The following MTIF2 variants were observed in gnomAD, a reference collection of about 807,000 sequenced individuals.
MTIF2 encodes the protein mitochondrial translational initiation factor 2.
MTIF2 carries 71 observed loss-of-function variants against 83.5 expected under a neutral mutation model. The ratio of observed to expected loss-of-function variants is 0.85; its 90% confidence interval spans 0.70 to 1.04. MTIF2 has a LOEUF of 1.04. Ranked by LOEUF, MTIF2 falls within the 50% of genes least tolerant of loss-of-function variation. MTIF2 has a pLI of 0.00. For missense variants in MTIF2, 957 were observed against 846.5 expected, an observed-to-expected ratio of 1.13 and a Z score of -1.62; for synonymous variants, 319 against 287.1, an observed-to-expected ratio of 1.11 and a Z score of -1.12.
chr2:55,247,289 G>A (rs909947215), intron 9 of MTIF2, among the ~76,000 whole-genome samples: 2 of 152,224 alleles, frequency 1.3e-5, no homozygotes, highest in African/African-American at 4.8e-5. Context: ...GGGCACGGTG[G>A]CTCATGCCTG....
intron 14 of MTIF2, among the ~76,000 whole-genome samples, chr2:55,238,004 A>G (rs1241074335): frequency 2.6e-5 from 4 of 151,550 alleles, no homozygotes; most frequent in Non-Finnish European, 5.9e-5. Context: ...GCTTTCCTTC[A>G]ATATATTTTC....
chr2:55,250,234 T>C lies in MTIF2; in HGVS notation c.842-700A>G, dbSNP rs117042969. On this transcript the variant is annotated intron_variant, in intron 8 of 15. Coordinates refer to ENST00000263629, the MANE Select transcript of MTIF2 (RefSeq NM_002453.3). ...GCAGAATCGTGTGTACAAAAAGCCA[T>C]GTAAGGAAGTTTCAAATTCTGTGAA... is the stretch of plus-strand genomic sequence containing the variant. Among the ~76,000 whole-genome samples the C allele has an allele frequency of 7.8e-4, 118 of 152,240 alleles. No individual in the cohort carries two copies. In the East Asian group the frequency reaches 0.019, roughly 25 times the overall value.
Position 55,262,434 on chromosome 2 carries a change from A to C in MTIF2, c.220-7T>G, listed in dbSNP as rs1415503006. ...ATTTCCATGGTCCTTCTTCCTATTA[A>C]AAAAATCAGAACATATAAACAAAAA... On this transcript the variant is annotated splice_region_variant and splice_polypyrimidine_tract_variant and intron_variant, in intron 4 of 15. Coordinates refer to ENST00000263629, the MANE Select transcript of MTIF2 (RefSeq NM_002453.3). 1.3e-6 allele frequency: 2 copies of C among 1,575,610 alleles called. No individual in the cohort carries two copies. Among genetic ancestry groups the C allele is most frequent in the Admixed American group, 1.8e-5 (1 of 56,430 alleles).
At chr2:55,264,695 C>T (rs1262560434) in intron 3 of MTIF2, among the ~76,000 whole-genome samples, 2 of 152,172 alleles carry the variant, frequency 1.3e-5, no homozygotes, top group African/African-American at 2.4e-5. Context: ...ACTTTTCCAT[C>T]TTCCCATCTC....
intron 3 of MTIF2, among the ~76,000 whole-genome samples, chr2:55,265,423 C>G (rs936233670): frequency 6.6e-6 from 1 of 151,488 alleles, no homozygotes; most frequent in Admixed American, 6.6e-5. Context: ...CTCAGGCACA[C>G]GAGACACTAC....
In MTIF2 at chr2:55,249,124, A is replaced by T. The variant is rs140100863; in HGVS notation, c.981+271T>A. On this transcript the variant is annotated intron_variant, in intron 9 of 15. Coordinates refer to ENST00000263629, the MANE Select transcript of MTIF2 (RefSeq NM_002453.3). The stretch of plus-strand genomic sequence containing the variant: ...ACGTCTTTGTCCTACTATTTCCCTT[A>T]TTCACCATTTATTCTCATCCTAAGT... Among the ~76,000 whole-genome samples the T allele has an allele frequency of 4.9e-4, 74 of 152,226 alleles. 1 individual carries two copies. The highest frequency in any genetic ancestry group is 1.7e-3 in the African/African-American group (69 of 41,542).
At position 55,236,624 on chromosome 2, in the gene MTIF2, G is replaced by A; in HGVS notation, c.*24C>T. The stretch of plus-strand genomic sequence containing the variant: ...TACCTTCAAACAAACAACACGTTGA[G>A]TTATTTACATTTTTAATGTAATTTT... On this transcript the variant is annotated 3_prime_UTR_variant, in exon 16 of 16. Transcript: ENST00000263629. 1 of 1,565,098 alleles carries A rather than the reference G, an allele frequency of 6.4e-7. No homozygotes were observed. The highest frequency in any genetic ancestry group is 2.3e-5 in the East Asian group (1 of 43,910).
intron 11 of MTIF2, 79 bp downstream of exon 11, chr2:55,243,950 C>G: frequency 8.3e-7 from 1 of 1,200,974 alleles, no homozygotes; most frequent in Non-Finnish European, 1.2e-6. Context: ...CATTAATACA[C>G]ATATTTGGTA....
At chr2:55,254,935 T>C (rs1445579862) in intron 5 of MTIF2, 110 bp from the exon 6 acceptor site, 2 of 541,372 alleles carry the variant, frequency 3.7e-6, no homozygotes, top group Admixed American at 4.3e-5. Context: ...GGAATAACTA[T>C]GCAAACTGTT....
intron 8 of MTIF2, among the ~76,000 whole-genome samples, chr2:55,251,080 A>G (rs1430475365): frequency 7.1e-6 from 1 of 140,802 alleles, no homozygotes; most frequent in African/African-American, 2.6e-5. Flanking sequence ...ACTGCACTCC[A>G]GCCTGGGCAA....
chr2:55,255,796 A>G (rs1221224829), intron 5 of MTIF2, among the ~76,000 whole-genome samples: 1 of 152,130 alleles, frequency 6.6e-6, no homozygotes, highest in Non-Finnish European at 1.5e-5. Context: ...TCAGCTTCAG[A>G]ACATGCACAA....
intron 14 of MTIF2, among the ~76,000 whole-genome samples, chr2:55,238,637 C>T (rs1024367601): frequency 2.6e-5 from 4 of 152,080 alleles, no homozygotes; most frequent in Admixed American, 6.5e-5. Flanking sequence ...GTGATCCGCC[C>T]GCCTCGACCT....
rs1022889307 is a variant in MTIF2, at chr2:55,262,394, T to C, written c.253A>G (p.Thr85Ala). ...EGPWKSQLSS[T>A]KSKKVVEVWI... The stretch of plus-strand genomic sequence containing the variant: ...ACTTCTACCACCTTTTTAGATTTTG[T>C]TGAAGATAACTGAGATTTCCATGGT... The change falls in exon 5 of 16, where the codon ACA becomes GCA. Residue 85 changes from threonine (T) to alanine (A), a missense_variant. Physicochemically the swap from Thr to Ala is moderately conservative, Grantham distance 58. Around this residue, in one of 3 missense-constraint regions of MTIF2, gnomAD observed 733 missense variants for 648.7 expected, o/e 1.13. Transcript: ENST00000263629. The C allele has an allele frequency of 6.2e-7, 1 of 1,613,646 alleles. No individual in the cohort carries two copies. The highest frequency in any genetic ancestry group is 1.1e-5 in the South Asian group (1 of 91,062).
In MTIF2 at chr2:55,244,750, A is replaced by G. The variant is rs539906312; in HGVS notation, c.1107-517T>C. Among the ~76,000 whole-genome samples the G allele has an allele frequency of 3.9e-5, 6 of 152,182 alleles. No homozygotes were observed. In the South Asian group the frequency reaches 6.2e-4, roughly 16 times the overall value. On this transcript the variant is annotated intron_variant, in intron 10 of 15. Transcript: ENST00000263629. Reference sequence around the variant, plus strand: ...GGCAACATAGCAGGACCCTATCTCAATTAAAAAAAAAATAGGCTAGGCACA... The same window carrying G: ...GGCAACATAGCAGGACCCTATCTCAGTTAAAAAAAAAATAGGCTAGGCACA...
intron 14 of MTIF2, among the ~76,000 whole-genome samples, chr2:55,238,389 G>GTT (rs34278300): frequency 0.11 from 13,036 of 117,358 alleles, 1,200 homozygotes; most frequent in East Asian, 0.25. Flanking sequence ...TCTGAGCCTG[G>GTT]TTTTTTTTTT....
Position 55,254,141 on chromosome 2 carries a change from A to G in MTIF2, c.564T>C (p.His188=), listed in dbSNP as rs752282163. ...PRSPVVTIMG[H]VDHGKTTLLD... Reference sequence around the variant, plus strand: ...GTAATGTCGTTTTCCCGTGATCAACATGGCCCATTATAGTAACAACTGGGG... The same window carrying G: ...GTAATGTCGTTTTCCCGTGATCAACGTGGCCCATTATAGTAACAACTGGGG... Residue 188 remains histidine (H), a synonymous_variant, in exon 7 of 16, where the codon CAT becomes CAC. Transcript: ENST00000263629. 8.1e-6 allele frequency: 13 copies of G among 1,614,088 alleles called. No individual in the cohort carries two copies. The Admixed American group carries it at 2.0e-4, about 25-fold the overall frequency.
chr2:55,262,541 C>CTTTTT (rs66500251), intron 4 of MTIF2, 114 bp from the exon 5 acceptor site: 43 of 285,140 alleles, frequency 1.5e-4, no homozygotes, highest in Admixed American at 2.7e-4. Flanking sequence ...CTTTTTTTTT[C>CTTTTT]TTTTTTTTTT....
Position 55,252,550 on chromosome 2 carries a change from T to C in MTIF2, c.768A>G (p.Val256=). 6.2e-7 allele frequency: 1 copy of C among 1,614,152 alleles called. No individual in the cohort carries two copies. The highest frequency in any genetic ancestry group is 8.5e-7 in the Non-Finnish European group (1 of 1,179,992). Residue 256 remains valine, a synonymous_variant, in exon 8 of 16, where the codon GTA becomes GTG. Coordinates refer to ENST00000263629, the MANE Select transcript of MTIF2 (RefSeq NM_002453.3). ...ARGAQVTDIV[V]LVVAADDGVM... is the part of the protein sequence containing the mutation. ...CTCCATCATCTGCAGCTACAACCAA[T>C]ACGACAATGTCAGTGACCTGAGCAC...
chr2:55,243,223 A>G, intron 12 of MTIF2, 143 bp from the exon 13 acceptor site: 1 of 1,045,644 alleles, frequency 9.6e-7, no homozygotes, highest in Non-Finnish European at 1.4e-6. Context: ...CATTACACAT[A>G]TCTACTTGAC....
Sources: gnomAD v4.1 joint callset for allele counts (sites outside exome capture counted in the v4.1 genomes callset) on GRCh38, gnomAD v4.1.1 for gene constraint, gnomAD v4.1.1 regional missense constraint, MANE v1.5 for transcripts, NCBI Gene and HGNC (gene_info 2026-07-23, HGNC 2026-07-21) for gene names.